Variants in ANO7 observed in about 807,000 individuals in gnomAD.
ANO7 encodes anoctamin 7, also known as anoctamin-7.
Under a neutral mutation model 115.8 loss-of-function variants are expected in ANO7, and 114 were observed. That is an observed-to-expected ratio of 0.98 (90% confidence interval 0.85 to 1.15). The LOEUF is 1.15. Among genes scored for constraint, ANO7 ranks in the 50% most tolerant of loss-of-function variants. The pLI is 0.00. For missense variants in ANO7, 1,302 were observed against 1,201.2 expected, an observed-to-expected ratio of 1.08 and a Z score of -1.24; for synonymous variants, 550 against 498.2, an observed-to-expected ratio of 1.10 and a Z score of -1.38.
intron 6 of ANO7, among the ~76,000 whole-genome samples, chr2:241,200,439 C>A (rs932405181): frequency 2.6e-5 from 4 of 152,216 alleles, no homozygotes; most frequent in Non-Finnish European, 2.9e-5. Flanking sequence ...GACAGATAAC[C>A]CCCCCAAGGC....
chr2:241,218,893 A>G (rs754708107), intron 21 of ANO7, among the ~76,000 whole-genome samples: 1 of 152,218 alleles, frequency 6.6e-6, no homozygotes, highest in Non-Finnish European at 1.5e-5. Flanking sequence ...TTTCTCATAC[A>G]GCGTCTGGAA....
chr2:241,191,081 C>A, intron 2 of ANO7, 113 bp from the exon 3 acceptor site: 2 of 1,171,106 alleles, frequency 1.7e-6, no homozygotes, highest in East Asian at 2.4e-5. Context: ...TGTTCTGGGG[C>A]AGGGCGGGGA....
downstream of ANO7, chr2:241,227,401 G>A (rs2069232835): frequency 6.6e-6 from 1 of 152,568 alleles, no homozygotes; most frequent in Non-Finnish European, 1.5e-5. Flanking sequence ...AAGGCCAAGG[G>A]ATGGATTGTA....
chr2:241,209,763 C>CGGGG, intron 13 of ANO7, 128 bp downstream of exon 13: 4 of 1,307,278 alleles, frequency 3.1e-6, no homozygotes, highest in Non-Finnish European at 4.1e-6. Context: ...TCACTCCCCG[C>CGGGG]AGAGAGGCCC....
chr2:241,207,808 C>G, intron 11 of ANO7, 138 bp downstream of exon 11: 1 of 744,836 alleles, frequency 1.3e-6, no homozygotes, highest in South Asian at 1.6e-5. Flanking sequence ...GCTCCATGAG[C>G]TCCTTAACCT....
At chr2:241,235,474 C>T in the ANO7 span, 58 of 1,601,276 alleles carry the variant, frequency 3.6e-5, no homozygotes, top group East Asian at 1.8e-4. Context: ...CATGGCCTCC[C>T]GGGAAAGGGG....
chr2:241,223,313 A>G (rs754438093), intron 22 of ANO7, 37 bp downstream of exon 22: 1 of 1,608,840 alleles, frequency 6.2e-7, no homozygotes, highest in African/African-American at 1.3e-5. Flanking sequence ...CATCCATGGC[A>G]TGAGGCCCCG....
At chr2:241,233,983 G>T in the ANO7 span, 4 of 1,613,892 alleles carry the variant, frequency 2.5e-6, no homozygotes, top group South Asian at 4.4e-5. This position sits in a 1 kb window ranked among gnomAD's most constrained non-coding sequence, Gnocchi z 4.3. Context: ...AAAGGAGCAA[G>T]AATGAGGCAA....
At chr2:241,220,735 G>A (rs1375490651) in intron 21 of ANO7, among the ~76,000 whole-genome samples, 3 of 152,208 alleles carry the variant, frequency 2.0e-5, no homozygotes, top group African/African-American at 7.2e-5. Context: ...AGGAGGCAGA[G>A]CTTTCAGTGA....
intron 6 of ANO7, 134 bp downstream of exon 6, chr2:241,200,359 C>T (rs1473868697): frequency 1.2e-5 from 15 of 1,233,814 alleles, no homozygotes; most frequent in Middle Eastern, 1.9e-4. Flanking sequence ...AGGCCAGGTG[C>T]GCACGCTTAT....
At chr2:241,191,291 C>T in intron 3 of ANO7, 40 bp downstream of exon 3, 1 of 1,610,228 alleles carries the variant, frequency 6.2e-7, no homozygotes. Flanking sequence ...CCGTGTTGGT[C>T]CTGAGGGTGG....
At chr2:241,228,686 C>G (rs1235650924), downstream of ANO7, 1 of 152,812 alleles carries the variant, frequency 6.5e-6, no homozygotes, top group Non-Finnish European at 1.5e-5. Flanking sequence ...TCCACGCCGG[C>G]TGAGGTAGAA....
rs2068196282 is a variant in ANO7 at position 241,191,266 on chromosome 2, G to T, written c.166+15G>T. On this transcript the variant is annotated intron_variant, in intron 3 of 24. Coordinates refer to ENST00000674324, the MANE Select transcript of ANO7 (RefSeq NM_001370694.2). The stretch of plus-strand genomic sequence containing the variant: ...GCCCCGGATCGGTGAGCCCCTCCCA[G>T]CACCTGTACCACACCCGTGTTGGTC... 4 of 1,613,486 alleles carry T rather than the reference G, an allele frequency of 2.5e-6. No homozygotes were observed. The highest frequency in any genetic ancestry group is 2.7e-5 in the African/African-American group (2 of 75,060).
chr2:241,211,765 G>A (rs986320677), intron 15 of ANO7, among the ~76,000 whole-genome samples: 11 of 152,124 alleles, frequency 7.2e-5, no homozygotes, highest in South Asian at 2.1e-4. Context: ...TCCTGCCTCC[G>A]GCACCTGCAC....
Position 241,223,643 on chromosome 2 carries a change from T to C in ANO7, c.2413-19T>C, listed in dbSNP as rs2069080620. On this transcript the variant is annotated intron_variant, in intron 22 of 24. Coordinates refer to ENST00000674324, the MANE Select transcript of ANO7 (RefSeq NM_001370694.2). ...CTCTGGGCGTTTGGGTGGGCGTGAGTGCCTTCCTCTGCTCCCAGCATGTGG... is the reference window on the plus strand; with the variant it reads ...CTCTGGGCGTTTGGGTGGGCGTGAGCGCCTTCCTCTGCTCCCAGCATGTGG... 4 of 1,609,304 alleles carry C rather than the reference T, an allele frequency of 2.5e-6. No individual in the cohort carries two copies. Among genetic ancestry groups the C allele is most frequent in the Non-Finnish European group, 3.4e-6 (4 of 1,177,658 alleles).
chr2:241,236,470 C>A, the ANO7 span: 1 of 787,134 alleles, frequency 1.3e-6, no homozygotes, highest in East Asian at 2.5e-5. Context: ...AAGCACAGCC[C>A]GTGCGCACAC....
At chr2:241,191,777 A>T (rs1366318219) in intron 3 of ANO7, among the ~76,000 whole-genome samples, 1 of 141,818 alleles carries the variant, frequency 7.1e-6, no homozygotes, top group East Asian at 2.1e-4. Flanking sequence ...GCTACTACTT[A>T]AAAAAAATCA....
intron 4 of ANO7, 106 bp downstream of exon 4, chr2:241,195,951 A>G: frequency 5.6e-6 from 9 of 1,599,090 alleles, no homozygotes; most frequent in Non-Finnish European, 7.7e-6. Flanking sequence ...GTCCCAGAGC[A>G]GATCAGGCCC....
intron 24 of ANO7, 27 bp from the exon 25 acceptor site, chr2:241,224,070 T>A: frequency 6.2e-7 from 1 of 1,613,648 alleles, no homozygotes; most frequent in Non-Finnish European, 8.5e-7. Context: ...TAGTCTGACT[T>A]GTCCCTGCCC....
Sources: allele counts gnomAD v4.1 joint callset (sites outside exome capture counted in the v4.1 genomes callset), GRCh38; gene constraint gnomAD v4.1.1; non-coding constraint Gnocchi (gnomAD v3.1); transcripts MANE v1.5; gene names NCBI Gene and HGNC (gene_info 2026-07-23, HGNC 2026-07-21).